RELB: variants seen among roughly 807,000 people sequenced by gnomAD.
The protein encoded by RELB is transcription factor RelB.
Under a neutral mutation model 55.4 loss-of-function variants are expected in RELB, and 14 were observed. The observed-to-expected ratio is 0.25, with a 90% CI of 0.17 to 0.40. The LOEUF is 0.40. Among genes scored for constraint, RELB ranks in the 10% least tolerant of loss-of-function variants. The pLI is 1.00. For missense variants in RELB, 669 were observed against 830.7 expected (o/e 0.81, Z 2.39); for synonymous variants, 409 against 371.3 (o/e 1.10, Z -1.17).
chr19:45,021,456 C>CAAAA (rs527934701), intron 4 of RELB, among the ~76,000 whole-genome samples: 3 of 68,946 alleles, frequency 4.4e-5, no homozygotes, highest in Admixed American at 1.7e-4. Context: ...GACTCCATCT[C>CAAAA]AAAAAAAAAA....
intron 11 of RELB, among the ~76,000 whole-genome samples, chr19:45,036,871 CAG>C (rs1057509950): frequency 2.2e-4 from 33 of 152,124 alleles, no homozygotes; most frequent in Admixed American, 2.1e-3. Flanking sequence ...TTTGTAGAGA[CAG>C]GGTCTCGTCA....
chr19:45,025,238 C>T, intron 5 of RELB, 91 bp from the exon 6 acceptor site: 1 of 857,200 alleles, frequency 1.2e-6, no homozygotes, highest in Non-Finnish European at 1.9e-6. Context: ...AGCCTGAGCC[C>T]CACAGCAGCA....
At chr19:45,031,615 C>T (rs957364421) in intron 8 of RELB, among the ~76,000 whole-genome samples, 1 of 151,760 alleles carries the variant, frequency 6.6e-6, no homozygotes, top group African/African-American at 2.4e-5. Flanking sequence ...TTGCTCTGTC[C>T]CCCAGGCTGG....
intron 5 of RELB, 39 bp downstream of exon 5, chr19:45,022,249 A>G (rs771579453): frequency 2.0e-6 from 3 of 1,497,602 alleles, no homozygotes; most frequent in African/African-American, 2.8e-5. Flanking sequence ...ATCCTTGATC[A>G]TGGAGATTCT....
At chr19:45,032,401 A>C (rs912054947) in intron 8 of RELB, 133 bp from the exon 9 acceptor site, 1 of 676,668 alleles carries the variant, frequency 1.5e-6, no homozygotes, top group Middle Eastern at 3.9e-4. Context: ...CCTGGGCAAC[A>C]GAGCAAGACT....
chr19:45,029,213 T>C (rs1181558756), intron 8 of RELB, among the ~76,000 whole-genome samples: 1 of 152,180 alleles, frequency 6.6e-6, no homozygotes, highest in Non-Finnish European at 1.5e-5. Context: ...CAGAGACTCG[T>C]CTGTGGTGAC....
chr19:45,015,292 C>A (rs982449073), intron 4 of RELB, among the ~76,000 whole-genome samples: 1 of 152,194 alleles, frequency 6.6e-6, no homozygotes, highest in Non-Finnish European at 1.5e-5. Context: ...AGCAAGTTTA[C>A]TATTGTAATT....
chr19:45,002,834 G>T, intron 1 of RELB, 115 bp from the exon 2 acceptor site: 2 of 799,874 alleles, frequency 2.5e-6, no homozygotes, highest in Non-Finnish European at 4.1e-6. Context: ...TCAGGGCGAG[G>T]GGCCTGATCC....
intron 4 of RELB, among the ~76,000 whole-genome samples, chr19:45,021,522 G>A (rs992992037): frequency 4.0e-5 from 6 of 149,702 alleles, no homozygotes; most frequent in African/African-American, 1.5e-4. Context: ...TATTATATGA[G>A]GCCCCCCAGT....
At chr19:45,035,819 C>T (rs1368369125) in intron 11 of RELB, among the ~76,000 whole-genome samples, 1 of 152,104 alleles carries the variant, frequency 6.6e-6, no homozygotes, top group African/African-American at 2.4e-5. Context: ...AGCAAGACTC[C>T]GTCTCAAAAA....
intron 4 of RELB, among the ~76,000 whole-genome samples, chr19:45,016,501 C>T (rs1034447620): frequency 3.3e-5 from 5 of 152,022 alleles, no homozygotes; most frequent in Non-Finnish European, 7.4e-5. Flanking sequence ...ATATGTCACA[C>T]GTGCAGGGTT....
intron 11 of RELB, among the ~76,000 whole-genome samples, chr19:45,036,513 G>T (rs1971687390): frequency 6.6e-6 from 1 of 152,100 alleles, no homozygotes; most frequent in African/African-American, 2.4e-5. Context: ...ATGGTCTGGA[G>T]ATTTCACTTT....
intron 2 of RELB, 59 bp from the exon 3 acceptor site, chr19:45,009,755 A>C (rs758012353): frequency 7.7e-5 from 122 of 1,586,876 alleles, no homozygotes; most frequent in Admixed American, 1.2e-4. Flanking sequence ...TAAAAGATGA[A>C]AAGTTGTGAC....
intron 2 of RELB, chr19:45,008,670 G>T (rs1971312983): frequency 2.5e-6 from 1 of 392,804 alleles, no homozygotes; most frequent in South Asian, 1.8e-5. Flanking sequence ...AGGTCTGGCT[G>T]CCAGGAGCCA....
chr19:45,025,393 A>C lies in RELB; in HGVS notation c.727A>C (p.Ile243Leu). The change falls in exon 6 of 12, where the codon ATT (isoleucine) becomes CTT (leucine). Residue 243 changes from isoleucine to leucine, a missense_variant. By Grantham distance (5) the Ile-to-Leu change is conservative (BLOSUM62 2). This residue lies in a region of RELB where 323 missense variants were observed against 368.5 expected (regional missense o/e 0.88). Transcript: ENST00000221452. ...GATTGAGGCTGCCATTGAGCGGAAG[A>C]TTCAACTGGGCATTGACCCCTACAA... ...KEIEAAIERK[I>L]QLGIDPYNAG... 5 of 1,612,714 alleles carry C rather than the reference A, an allele frequency of 3.1e-6. No individual in the cohort carries two copies. Among genetic ancestry groups the C allele is most frequent in the Non-Finnish European group, 4.2e-6 (5 of 1,179,446 alleles).
intron 4 of RELB, among the ~76,000 whole-genome samples, chr19:45,019,440 A>T (rs1971458067): frequency 6.6e-6 from 1 of 152,094 alleles, no homozygotes; most frequent in African/African-American, 2.4e-5. Context: ...TTCCTTCAGG[A>T]TGTATCTCCT....
intron 4 of RELB, among the ~76,000 whole-genome samples, chr19:45,014,579 G>A (rs1279535299): frequency 6.6e-6 from 1 of 150,756 alleles, no homozygotes; most frequent in Non-Finnish European, 1.5e-5. Context: ...GTGCAATGGT[G>A]CAATCTCAGC....
intron 5 of RELB, among the ~76,000 whole-genome samples, chr19:45,024,539 G>C (rs979101154): frequency 1.1e-4 from 17 of 151,644 alleles, no homozygotes; most frequent in African/African-American, 4.1e-4. Flanking sequence ...ATCTTCTCAA[G>C]AACCTTTGAC....
At chr19:45,034,565 G>A in intron 11 of RELB, 37 bp downstream of exon 11, 1 of 1,547,880 alleles carries the variant, frequency 6.5e-7, no homozygotes, top group Non-Finnish European at 8.8e-7. Context: ...TGTCCCCTGG[G>A]TGGGCAGAGG....
Sources: gnomAD v4.1 joint callset for allele counts (sites outside exome capture counted in the v4.1 genomes callset) on GRCh38, gnomAD v4.1.1 for gene constraint, gnomAD v4.1.1 regional missense constraint, MANE v1.5 for transcripts, NCBI Gene and HGNC (gene_info 2026-07-23, HGNC 2026-07-21) for gene names.